Variants in ZFAT observed in about 807,000 individuals in gnomAD.
ZFAT encodes the protein zinc finger protein ZFAT.
A neutral mutation model predicts 117.7 loss-of-function variants in ZFAT; 64 were observed. The ratio of observed to expected loss-of-function variants is 0.54; its 90% CI spans 0.44 to 0.67. The LOEUF is 0.67. Among genes scored for constraint, ZFAT ranks in the 30% least tolerant of loss-of-function variants. The pLI is 0.00. For synonymous variants in ZFAT, 679 were observed against 615.0 expected (o/e 1.10, Z -1.54); for missense variants, 1,433 against 1,584.5 (o/e 0.90, Z 1.62).
At chr8:134,809,261 C>G in the ZFAT span, among the ~76,000 whole-genome samples, 5 of 152,300 alleles carry the variant, frequency 3.3e-5, no homozygotes, top group African/African-American at 1.2e-4. Flanking sequence ...CACCACAGAC[C>G]TACTCCATCC....
At chr8:134,693,572 T>C (rs918025264) in intron 1 of ZFAT, among the ~76,000 whole-genome samples, 10 of 151,770 alleles carry the variant, frequency 6.6e-5, no homozygotes, top group African/African-American at 2.4e-4. Flanking sequence ...AAGCATCACA[T>C]TGTATACCTT....
chr8:134,685,663 G>C (rs1194615612), intron 1 of ZFAT, among the ~76,000 whole-genome samples: 1 of 152,148 alleles, frequency 6.6e-6, no homozygotes, highest in Non-Finnish European at 1.5e-5. Flanking sequence ...CACCAGGTAA[G>C]AGGCAGACAG....
At chr8:134,786,857 T>A in the ZFAT span, among the ~76,000 whole-genome samples, 22 of 136,620 alleles carry the variant, frequency 1.6e-4, no homozygotes, top group African/African-American at 5.9e-4. Context: ...TTTTTTTTTT[T>A]AATTTTAGAC....
chr8:134,756,574 C>A, the ZFAT span, among the ~76,000 whole-genome samples: 8 of 152,212 alleles, frequency 5.3e-5, no homozygotes, highest in African/African-American at 1.9e-4. Context: ...TCTTCAGGTC[C>A]GGTGCCCTGT....
chr8:134,541,141 T>C (rs1822221942), intron 11 of ZFAT, among the ~76,000 whole-genome samples: 1 of 152,200 alleles, frequency 6.6e-6, no homozygotes, highest in South Asian at 2.1e-4. Flanking sequence ...GCATATAGTT[T>C]GAATATTTTT....
intron 11 of ZFAT, among the ~76,000 whole-genome samples, chr8:134,541,428 A>G (rs1822244262): frequency 6.6e-6 from 1 of 152,192 alleles, no homozygotes; most frequent in South Asian, 2.1e-4. Context: ...ACCAGCAAGA[A>G]GGCTCTCAAA....
chr8:134,769,280 C>T, the ZFAT span, among the ~76,000 whole-genome samples: 4 of 152,162 alleles, frequency 2.6e-5, no homozygotes, highest in African/African-American at 9.7e-5. Flanking sequence ...TAGTTACTTC[C>T]TAGATTCAAT....
chr8:134,523,522 C>T (rs1820811368), intron 12 of ZFAT, among the ~76,000 whole-genome samples: 1 of 152,200 alleles, frequency 6.6e-6, no homozygotes, highest in African/African-American at 2.4e-5. Context: ...TGTCTATCCT[C>T]CACTGTTGGT....
the ZFAT span, among the ~76,000 whole-genome samples, chr8:134,831,384 T>C: frequency 1.3e-5 from 2 of 152,200 alleles, no homozygotes; most frequent in Non-Finnish European, 2.9e-5. Flanking sequence ...AGTCCTAAAA[T>C]AACCATAAGC....
chr8:134,779,426 G>A, the ZFAT span, among the ~76,000 whole-genome samples: 84 of 151,684 alleles, frequency 5.5e-4, no homozygotes, highest in African/African-American at 2.0e-3. Flanking sequence ...TACTTATTTC[G>A]CAGCTCATGT....
chr8:134,705,240 GC>G (rs1440220362), intron 1 of ZFAT, among the ~76,000 whole-genome samples: 1 of 152,146 alleles, frequency 6.6e-6, no homozygotes, highest in Non-Finnish European at 1.5e-5. Context: ...TTTCACTGAT[GC>G]CCAGGCTGGA....
intron 11 of ZFAT, among the ~76,000 whole-genome samples, chr8:134,543,125 C>T (rs932839093): frequency 2.7e-5 from 4 of 148,356 alleles, no homozygotes; most frequent in African/African-American, 1.0e-4. Flanking sequence ...AGTTACTGCA[C>T]AGAAGAGATA....
chr8:134,618,096 C>T (rs1048572194), intron 3 of ZFAT, among the ~76,000 whole-genome samples: 2 of 152,168 alleles, frequency 1.3e-5, no homozygotes, highest in African/African-American at 4.8e-5. Context: ...GAGGCCTCCC[C>T]AGCCAAGTGG....
At chr8:134,656,949 A>G (rs1011324375) in intron 2 of ZFAT, among the ~76,000 whole-genome samples, 5 of 152,208 alleles carry the variant, frequency 3.3e-5, no homozygotes, top group Non-Finnish European at 7.3e-5. Flanking sequence ...GATGCATCTC[A>G]CTTTGCACGC....
chr8:134,602,864 C>T lies in ZFAT; in HGVS notation c.855G>A (p.Ser285=), dbSNP rs563996146. 62 of 1,608,926 alleles carry T rather than the reference C, an allele frequency of 3.9e-5. No homozygotes were observed. The highest frequency in any genetic ancestry group is 1.1e-4 in the East Asian group (5 of 44,536). ...YCNKVFKFKH[S]LQAHLRIHTN... Reference sequence around the variant, plus strand: ...TGTGGATCCTCAGGTGGGCCTGCAGCGAGTGCTTGAACTTGAAGACCTTGT... The same window carrying T: ...TGTGGATCCTCAGGTGGGCCTGCAGTGAGTGCTTGAACTTGAAGACCTTGT... The change falls in exon 6 of 16, where the codon TCG becomes TCA. Residue 285 remains serine, a synonymous_variant. Transcript: ENST00000377838.
At chr8:134,585,141 T>C (rs1025991783) in intron 9 of ZFAT, among the ~76,000 whole-genome samples, 20 of 152,168 alleles carry the variant, frequency 1.3e-4, no homozygotes, top group African/African-American at 3.9e-4. Context: ...TCCCACGAAG[T>C]CTTCAGAGCA....
chr8:134,744,086 G>A, the ZFAT span, among the ~76,000 whole-genome samples: 1 of 152,108 alleles, frequency 6.6e-6, no homozygotes, highest in East Asian at 1.9e-4. Flanking sequence ...AGAAGTCCGG[G>A]CATGAGTTAA....
At chr8:134,727,562 T>C in the ZFAT span, among the ~76,000 whole-genome samples, 1 of 152,222 alleles carries the variant, frequency 6.6e-6, no homozygotes, top group Non-Finnish European at 1.5e-5. Context: ...CTGCAAATTA[T>C]AATGCTTTTT....
chr8:134,714,009 C>T (rs1814147163), upstream of ZFAT, among the ~76,000 whole-genome samples: 4 of 140,386 alleles, frequency 2.8e-5, no homozygotes, highest in Middle Eastern at 7.0e-3. Flanking sequence ...TGACAAATAA[C>T]GTTTTTCACT....
Sources: gnomAD v4.1 joint callset for allele counts (sites outside exome capture counted in the v4.1 genomes callset) on GRCh38, gnomAD v4.1.1 for gene constraint, MANE v1.5 for transcripts, NCBI Gene and HGNC (gene_info 2026-07-23, HGNC 2026-07-21) for gene names.